CPVL: variants seen among roughly 807,000 people sequenced by gnomAD.
CPVL encodes the protein carboxypeptidase vitellogenic like, also known as probable serine carboxypeptidase CPVL.
In CPVL, 51 loss-of-function variants were observed where a neutral mutation model predicts 63.7. That is an observed-to-expected ratio of 0.80 (90% CI 0.64 to 1.01). The LOEUF is 1.01. CPVL is among the 50% of genes least tolerant of loss of function. The pLI, the probability that CPVL is intolerant of heterozygous loss-of-function variation, is 0.00. For missense variants in CPVL, 530 were observed against 573.1 expected (o/e 0.92, Z 0.77); for synonymous variants, 195 against 206.0 (o/e 0.95, Z 0.46).
chr7:29,113,858 A>C (rs994421853), intron 2 of CPVL: 1 of 152,522 alleles, frequency 6.6e-6, no homozygotes, highest in Non-Finnish European at 1.5e-5. Context: ...GTGGTGGCGA[A>C]GTAAAAGGGA....
intron 3 of CPVL, among the ~76,000 whole-genome samples, chr7:29,107,675 CA>C (rs1446584838): frequency 6.6e-6 from 1 of 152,258 alleles, no homozygotes; most frequent in African/African-American, 2.4e-5. Context: ...TCTGCAGAAT[CA>C]GAATCTCTGC....
At chr7:29,014,635 C>T (rs564059328) in intron 12 of CPVL, among the ~76,000 whole-genome samples, 1 of 152,328 alleles carries the variant, frequency 6.6e-6, no homozygotes. Flanking sequence ...AGCCACCATG[C>T]CCAGCCAAAG....
Position 28,999,459 on chromosome 7 carries a change from T to A in CPVL, c.1321-3577A>T, listed in dbSNP as rs142646648. Among the ~76,000 whole-genome samples, 898 of 152,350 alleles carry A rather than the reference T, an allele frequency of 5.9e-3. 7 individuals carry two copies. The highest frequency in any genetic ancestry group is 0.02 in the African/African-American group (848 of 41,564). ...GTGGCAAACCAGGGAATTCTCTGTT[T>A]ACATCAAGGTAATTTGATTAACACC... On this transcript the variant is annotated intron_variant, in intron 12 of 12. Coordinates refer to ENST00000265394, the MANE Select transcript of CPVL (RefSeq NM_031311.5).
At chr7:29,140,160 C>T (rs972256292) in intron 1 of CPVL, among the ~76,000 whole-genome samples, 6 of 152,198 alleles carry the variant, frequency 3.9e-5, no homozygotes, top group African/African-American at 1.4e-4. Context: ...CAGGCCTCGG[C>T]TGGACACAGT....
intron 5 of CPVL, among the ~76,000 whole-genome samples, chr7:29,158,508 T>C (rs1050736158): frequency 1.8e-5 from 2 of 109,504 alleles, no homozygotes; most frequent in Non-Finnish European, 4.1e-5. Flanking sequence ...CTTTATTTTA[T>C]TGTGTAGCCT....
intron 3 of CPVL, among the ~76,000 whole-genome samples, chr7:29,106,292 C>T (rs961751310): frequency 9.9e-5 from 15 of 152,098 alleles, no homozygotes; most frequent in African/African-American, 3.1e-4. Flanking sequence ...GCAGAGAGAG[C>T]AGGGCTGTAG....
At chr7:29,132,524 T>A (rs948096630) in intron 1 of CPVL, among the ~76,000 whole-genome samples, 2 of 152,066 alleles carry the variant, frequency 1.3e-5, no homozygotes, top group Non-Finnish European at 2.9e-5. Context: ...TCACTCCCCA[T>A]CCCCACATGA....
chr7:29,113,719 C>G (rs1788480056), intron 2 of CPVL: 1 of 152,148 alleles, frequency 6.6e-6, no homozygotes, highest in Admixed American at 6.5e-5. Flanking sequence ...ACACAGCAGT[C>G]AGGCTGCAGA....
intron 1 of CPVL, chr7:29,127,590 T>C (rs1411892213): frequency 1.3e-5 from 2 of 152,216 alleles, no homozygotes; most frequent in African/African-American, 4.8e-5. Context: ...GTGAGTATTT[T>C]AAACAGCAGG....
Position 29,123,901 on chromosome 7 carries a change from T to C in CPVL, c.-10-2830A>G, listed in dbSNP as rs1584330753. ...AAAAAAGGAAAACAGGTAAAACTGG[T>C]CCTGTTTTAATTGATATAAATCTAA... On this transcript the variant is annotated intron_variant, in intron 1 of 12. Coordinates refer to ENST00000265394, the MANE Select transcript of CPVL (RefSeq NM_031311.5). Among the ~76,000 whole-genome samples, 4 of 151,926 alleles carry C rather than the reference T, an allele frequency of 2.6e-5. No homozygotes were observed. In the South Asian group the frequency reaches 8.3e-4, roughly 32 times the overall value.
chr7:29,106,212 G>C (rs1012760937), intron 3 of CPVL, among the ~76,000 whole-genome samples: 1 of 152,138 alleles, frequency 6.6e-6, no homozygotes, highest in Non-Finnish European at 1.5e-5. Context: ...TGGAGCACAC[G>C]GTGTCCACAC....
intron 2 of CPVL, 86 bp from the exon 3 acceptor site, chr7:29,112,908 T>G (rs1788397534): frequency 5.4e-6 from 5 of 921,944 alleles, no homozygotes; most frequent in Non-Finnish European, 8.9e-6. Flanking sequence ...CTGGATGAAA[T>G]GGAGTGATTA....
intron 11 of CPVL, among the ~76,000 whole-genome samples, chr7:29,062,150 T>C (rs746135194): frequency 7.2e-5 from 11 of 152,188 alleles, no homozygotes; most frequent in Admixed American, 5.9e-4. Flanking sequence ...TAATGGATTA[T>C]GGACAGGTTT....
In CPVL at chr7:29,072,360, C is replaced by G. The variant is rs1270240340; in HGVS notation, c.673G>C (p.Glu225Gln). The G allele has an allele frequency of 2.5e-6, 4 of 1,613,998 alleles. No individual in the cohort carries two copies. Among genetic ancestry groups the G allele is most frequent in the Non-Finnish European group, 3.4e-6 (4 of 1,179,984 alleles). Residue 225 changes from glutamate to glutamine, a missense_variant, in exon 8 of 13, where the codon GAG (glutamate) becomes CAG (glutamine). Physicochemically the swap from Glu to Gln is conservative, Grantham distance 29. Transcript: ENST00000265394. ...ATTCCGTTCAGGTTGATCTTCACCT[C>G]TCTCACAGGGTTGAGGGAATGGATG... ...HLIHSLNPVR[E>Q]VKINLNGIAI...
chr7:29,104,278 T>G (rs1266015243), intron 3 of CPVL, among the ~76,000 whole-genome samples: 1 of 152,218 alleles, frequency 6.6e-6, no homozygotes, highest in African/African-American at 2.4e-5. Context: ...TTTTTGTTTT[T>G]GAGATGGAGT....
At chr7:29,082,332 G>C (rs1163437892) in intron 7 of CPVL, 1 of 152,180 alleles carries the variant, frequency 6.6e-6, no homozygotes, top group African/African-American at 2.4e-5. Context: ...ATGAAAAGCA[G>C]AGGCCCAGGG....
chr7:29,168,837 G>C (rs1796248903), intron 5 of CPVL, among the ~76,000 whole-genome samples: 1 of 152,216 alleles, frequency 6.6e-6, no homozygotes. Context: ...TATGTATTAT[G>C]TGTGCATGAT....
At chr7:29,171,028 C>T (rs1046447855) in intron 5 of CPVL, among the ~76,000 whole-genome samples, 1 of 152,104 alleles carries the variant, frequency 6.6e-6, no homozygotes, top group Non-Finnish European at 1.5e-5. Context: ...GGGGACACAG[C>T]CAAACCATAT....
chr7:29,118,434 C>T (rs1789007301), intron 2 of CPVL, among the ~76,000 whole-genome samples: 1 of 152,214 alleles, frequency 6.6e-6, no homozygotes, highest in African/African-American at 2.4e-5. Flanking sequence ...TCTTCACAAG[C>T]ATCTTAATGG....
Sources: gnomAD v4.1 joint callset for allele counts (sites outside exome capture counted in the v4.1 genomes callset) on GRCh38, gnomAD v4.1.1 for gene constraint, MANE v1.5 for transcripts, NCBI Gene and HGNC (gene_info 2026-07-23, HGNC 2026-07-21) for gene names.